SHISA6: variants seen among roughly 807,000 people sequenced by gnomAD.
The protein encoded by SHISA6 is protein shisa-6.
SHISA6 carries 22 observed loss-of-function variants against 47.9 expected under a neutral mutation model. The ratio of observed to expected loss-of-function variants is 0.46; its 90% CI spans 0.33 to 0.66. SHISA6 has a LOEUF of 0.66. Among genes scored for constraint, SHISA6 ranks in the 30% least tolerant of loss-of-function variants. The probability of loss-of-function intolerance (pLI) is 0.02; values close to 1 mark genes in which losing one functional copy is unlikely to be tolerated. For missense variants in SHISA6, 680 were observed against 764.6 expected, an observed-to-expected ratio of 0.89 and a Z score of 1.30; for synonymous variants, 388 against 337.8, an observed-to-expected ratio of 1.15 and a Z score of -1.63.
chr17:11,501,856 A>G (rs2071456538), intron 3 of SHISA6, among the ~76,000 whole-genome samples: 2 of 152,148 alleles, frequency 1.3e-5, no homozygotes, highest in Admixed American at 6.5e-5. Flanking sequence ...CTCTCCTAAT[A>G]TAGTGGAAAA....
At chr17:11,516,955 T>C (rs2071590907) in intron 3 of SHISA6, among the ~76,000 whole-genome samples, 1 of 152,186 alleles carries the variant, frequency 6.6e-6, no homozygotes, top group Non-Finnish European at 1.5e-5. Context: ...GACATCATGC[T>C]GAGAATTCAA....
chr17:11,394,859 A>G lies in SHISA6; in HGVS notation c.895+15350A>G, dbSNP rs1913512567. ...GTCTCTCTTTTTCATTACGTATAAT[A>G]TATACACAAATATACACATACATAC... On this transcript the variant is annotated intron_variant, in intron 3 of 5. Transcript: ENST00000441885. Among the ~76,000 whole-genome samples the G allele has an allele frequency of 2.0e-5, 3 of 152,114 alleles. No homozygotes were observed. The South Asian group carries it at 6.2e-4, about 32-fold the overall frequency.
intron 3 of SHISA6, among the ~76,000 whole-genome samples, chr17:11,501,115 A>ATTTT (rs61051749): frequency 2.3e-4 from 34 of 145,368 alleles, no homozygotes; most frequent in African/African-American, 7.8e-4. Context: ...CTTCCAACAC[A>ATTTT]TTTTTTTTTT....
chr17:11,287,840 AAG>A (rs1305727204), intron 2 of SHISA6, among the ~76,000 whole-genome samples: 1 of 152,154 alleles, frequency 6.6e-6, no homozygotes, highest in African/African-American at 2.4e-5. Flanking sequence ...ACAAACATAA[AAG>A]AACATAAAAA....
At chr17:11,490,562 C>T (rs1916449492) in intron 3 of SHISA6, among the ~76,000 whole-genome samples, 2 of 152,126 alleles carry the variant, frequency 1.3e-5, no homozygotes, top group Admixed American at 6.5e-5. Flanking sequence ...CCATTATTCA[C>T]ACTCTGCTCC....
At chr17:11,539,986 G>A (rs942371352) in intron 3 of SHISA6, among the ~76,000 whole-genome samples, 4 of 152,250 alleles carry the variant, frequency 2.6e-5, no homozygotes, top group East Asian at 1.9e-4. Flanking sequence ...AAGAGCCCTC[G>A]ACAAAATCAG....
chr17:11,434,868 A>G (rs1914892524), intron 3 of SHISA6, among the ~76,000 whole-genome samples: 1 of 152,224 alleles, frequency 6.6e-6, no homozygotes, highest in South Asian at 2.1e-4. Context: ...AAATCTTCCT[A>G]CCTTAGCCTA....
At chr17:11,274,863 C>T (rs950674778) in intron 2 of SHISA6, among the ~76,000 whole-genome samples, 3 of 152,034 alleles carry the variant, frequency 2.0e-5, no homozygotes, top group South Asian at 2.1e-4. Flanking sequence ...GTTGTGTGGT[C>T]GGAGTGATCA....
At chr17:11,533,590 T>TA (rs2071757163) in intron 3 of SHISA6, among the ~76,000 whole-genome samples, 2 of 76,500 alleles carry the variant, frequency 2.6e-5, no homozygotes, top group African/African-American at 1.1e-4. Flanking sequence ...TTTCATTATT[T>TA]TTTTTTTTTT....
intron 2 of SHISA6, among the ~76,000 whole-genome samples, chr17:11,377,546 G>A (rs927650646): frequency 6.6e-6 from 1 of 152,212 alleles, no homozygotes; most frequent in African/African-American, 2.4e-5. Flanking sequence ...AACTCTGGGA[G>A]TGGGGCCCAG....
chr17:11,410,079 G>A (rs1914073902), intron 3 of SHISA6, among the ~76,000 whole-genome samples: 1 of 152,212 alleles, frequency 6.6e-6, no homozygotes, highest in African/African-American at 2.4e-5. Flanking sequence ...CAAGTTGTGA[G>A]TCCAGATGCC....
intron 3 of SHISA6, among the ~76,000 whole-genome samples, chr17:11,413,234 G>A (rs1914185049): frequency 6.6e-6 from 1 of 152,174 alleles, no homozygotes; most frequent in Non-Finnish European, 1.5e-5. Context: ...ACTCCAGTCA[G>A]ACTTTCGATG....
intron 2 of SHISA6, among the ~76,000 whole-genome samples, chr17:11,350,288 T>C (rs1911841087): frequency 1.9e-5 from 1 of 52,084 alleles, no homozygotes. Flanking sequence ...CACGCCATTC[T>C]CCTGCCTCAG....
intron 2 of SHISA6, among the ~76,000 whole-genome samples, chr17:11,373,838 G>A (rs1038712445): frequency 2.0e-5 from 3 of 151,988 alleles, no homozygotes; most frequent in South Asian, 2.1e-4. Context: ...CCTAATTGTC[G>A]GTATTACAAA....
At chr17:11,524,555 G>A (rs1468887013) in intron 3 of SHISA6, among the ~76,000 whole-genome samples, 1 of 148,922 alleles carries the variant, frequency 6.7e-6, no homozygotes, top group Non-Finnish European at 1.5e-5. Flanking sequence ...AGAGTGAAAT[G>A]GTGTGATCTC....
At chr17:11,493,566 T>C (rs2071383590) in intron 3 of SHISA6, among the ~76,000 whole-genome samples, 1 of 131,430 alleles carries the variant, frequency 7.6e-6, no homozygotes, top group Admixed American at 7.9e-5. Context: ...ACCATGTGGA[T>C]ACACGCGTGC....
intron 3 of SHISA6, among the ~76,000 whole-genome samples, chr17:11,402,448 G>A (rs1913809447): frequency 6.6e-6 from 1 of 152,160 alleles, no homozygotes; most frequent in African/African-American, 2.4e-5. Flanking sequence ...TGTTTCCTTT[G>A]CTTTCCAGTC....
chr17:11,355,885 A>G (rs779256750), intron 2 of SHISA6, among the ~76,000 whole-genome samples: 1 of 152,230 alleles, frequency 6.6e-6, no homozygotes, highest in African/African-American at 2.4e-5. Flanking sequence ...ACACCCTGCC[A>G]TTTGCACTTA....
At chr17:11,380,633 T>G (rs1177471039) in intron 3 of SHISA6, among the ~76,000 whole-genome samples, 1 of 152,224 alleles carries the variant, frequency 6.6e-6, no homozygotes, top group Non-Finnish European at 1.5e-5. Flanking sequence ...GATTATTACC[T>G]AGCACTGTGA....
Sources: gnomAD v4.1 joint callset for allele counts (sites outside exome capture counted in the v4.1 genomes callset) on GRCh38, gnomAD v4.1.1 for gene constraint, MANE v1.5 for transcripts, NCBI Gene and HGNC (gene_info 2026-07-23, HGNC 2026-07-21) for gene names.